Variants in SMIM31 observed in about 807,000 individuals in gnomAD.
SMIM31 encodes the protein small integral membrane protein 31.
chr4:164,793,637 GAAA>G (rs1560832283), intron 2 of SMIM31, among the ~76,000 whole-genome samples: 1 of 152,094 alleles, frequency 6.6e-6, no homozygotes, highest in African/African-American at 2.4e-5. Context: ...TGAATGCAGG[GAAA>G]AAGAGCAAGA....
chr4:164,799,446 T>A (rs1246995197), intron 2 of SMIM31, among the ~76,000 whole-genome samples: 1 of 151,760 alleles, frequency 6.6e-6, no homozygotes, highest in Non-Finnish European at 1.5e-5. Context: ...TCTGAGGGAT[T>A]TTTTTTTAAC....
chr4:164,778,324 A>AT (rs1732903945), intron 2 of SMIM31, among the ~76,000 whole-genome samples: 1 of 132,762 alleles, frequency 7.5e-6, no homozygotes, highest in South Asian at 2.8e-4. Flanking sequence ...AGGTAAACAG[A>AT]TTAAAAAAAA....
chr4:164,788,192 G>A (rs556108285), intron 2 of SMIM31, among the ~76,000 whole-genome samples: 30 of 152,228 alleles, frequency 2.0e-4, no homozygotes, highest in East Asian at 7.7e-4. Flanking sequence ...TAATAATTAC[G>A]TTTCAGAAAA....
intron 1 of SMIM31, among the ~76,000 whole-genome samples, chr4:164,758,630 G>GTTTTTTTTTTTTTTTTT (rs1210607914): frequency 6.2e-5 from 6 of 96,636 alleles, no homozygotes; most frequent in South Asian, 3.6e-4. Flanking sequence ...TCCTTTTTTT[G>GTTTTTTTTTTTTTTTTT]TTTTTTTTTT....
intron 2 of SMIM31, among the ~76,000 whole-genome samples, chr4:164,779,693 CT>C (rs1347857656): frequency 6.6e-6 from 1 of 152,132 alleles, no homozygotes; most frequent in African/African-American, 2.4e-5. Context: ...TGGAATGAGA[CT>C]GTTCATTATT....
intron 1 of SMIM31, among the ~76,000 whole-genome samples, chr4:164,756,973 A>G (rs1342813114): frequency 6.6e-6 from 1 of 152,174 alleles, no homozygotes; most frequent in Non-Finnish European, 1.5e-5. Context: ...CTGTAGTTAT[A>G]GTTTATTTTA....
chr4:164,779,883 G>A (rs547900918), intron 2 of SMIM31, among the ~76,000 whole-genome samples: 1 of 152,244 alleles, frequency 6.6e-6, no homozygotes, highest in African/African-American at 2.4e-5. Context: ...TTGAGAACAG[G>A]CAACAAACTG....
chr4:164,783,150 G>A (rs1433058537), intron 2 of SMIM31, among the ~76,000 whole-genome samples: 2 of 149,782 alleles, frequency 1.3e-5, no homozygotes, highest in Admixed American at 6.7e-5. Context: ...CCCGGGAGGT[G>A]GAGGTTGTGG....
chr4:164,783,418 G>A (rs1164561228), intron 2 of SMIM31, among the ~76,000 whole-genome samples: 1 of 151,504 alleles, frequency 6.6e-6, no homozygotes, highest in East Asian at 1.9e-4. Context: ...CAGCTTCTCG[G>A]GAGGCTGAGG....
chr4:164,776,920 C>A (rs1412802948), intron 2 of SMIM31, among the ~76,000 whole-genome samples: 1 of 152,100 alleles, frequency 6.6e-6, no homozygotes, highest in Non-Finnish European at 1.5e-5. Flanking sequence ...TAAGATTAGG[C>A]CTATGAGGCA....
intron 2 of SMIM31, among the ~76,000 whole-genome samples, chr4:164,795,344 G>T (rs1311307126): frequency 6.6e-6 from 1 of 152,150 alleles, no homozygotes; most frequent in Non-Finnish European, 1.5e-5. Context: ...GATCACCTGA[G>T]GTCAGGAGTT....
At chr4:164,783,361 CA>C (rs1217792876) in intron 2 of SMIM31, among the ~76,000 whole-genome samples, 3 of 151,026 alleles carry the variant, frequency 2.0e-5, no homozygotes, top group Non-Finnish European at 4.4e-5. Context: ...CCATCTCTAC[CA>C]AAAACACAAA....
At chr4:164,756,974 G>A (rs1199624235) in intron 1 of SMIM31, among the ~76,000 whole-genome samples, 2 of 152,120 alleles carry the variant, frequency 1.3e-5, no homozygotes, top group African/African-American at 4.8e-5. Flanking sequence ...TGTAGTTATA[G>A]TTTATTTTAT....
chr4:164,798,219 T>C (rs1335864958), intron 2 of SMIM31, among the ~76,000 whole-genome samples: 1 of 145,302 alleles, frequency 6.9e-6, no homozygotes, highest in Non-Finnish European at 1.5e-5. Flanking sequence ...CTTTTTGATA[T>C]AATGATTTTT....
At chr4:164,782,535 C>T (rs544947596) in intron 2 of SMIM31, among the ~76,000 whole-genome samples, 4 of 149,220 alleles carry the variant, frequency 2.7e-5, no homozygotes, top group African/African-American at 1.0e-4. Flanking sequence ...CCCCCCACCA[C>T]GCCCGGCTAA....
intron 2 of SMIM31, among the ~76,000 whole-genome samples, chr4:164,784,349 T>C (rs993193333): frequency 6.6e-6 from 1 of 152,252 alleles, no homozygotes; most frequent in Non-Finnish European, 1.5e-5. Flanking sequence ...GTTTTATTTG[T>C]GGTGGGTAAA....
chr4:164,782,372 C>CTTTTTT (rs1359094792), intron 2 of SMIM31, among the ~76,000 whole-genome samples: 5 of 135,874 alleles, frequency 3.7e-5, no homozygotes, highest in African/African-American at 1.7e-4. Context: ...TTATCTCTTT[C>CTTTTTT]TTTTATTTTT....
intron 2 of SMIM31, among the ~76,000 whole-genome samples, chr4:164,773,941 C>T (rs566124446): frequency 1.1e-3 from 166 of 152,118 alleles, no homozygotes; most frequent in African/African-American, 3.6e-3. Flanking sequence ...CCGAGGCGGG[C>T]GGATCACAAG....
At chr4:164,796,809 A>G (rs186025114) in intron 2 of SMIM31, among the ~76,000 whole-genome samples, 26 of 152,348 alleles carry the variant, frequency 1.7e-4, no homozygotes, top group South Asian at 6.2e-4. Context: ...CCAAGCCACC[A>G]TCATCTCTCA....
Sources: gnomAD v4.1 joint callset for allele counts (sites outside exome capture counted in the v4.1 genomes callset) on GRCh38, gnomAD v4.1.1 for gene constraint, MANE v1.5 for transcripts, NCBI Gene and HGNC (gene_info 2026-07-23, HGNC 2026-07-21) for gene names.